The following GSTO1 variants were observed in gnomAD, a reference collection of about 807,000 sequenced individuals.
GSTO1 encodes glutathione S-transferase omega-1.
Under a neutral mutation model 23.8 loss-of-function variants are expected in GSTO1, and 27 were observed. The observed-to-expected ratio is 1.13, with a 90% CI of 0.83 to 1.56. The LOEUF (loss-of-function observed/expected upper bound fraction) is 1.56. Ranked by LOEUF, GSTO1 falls within the 40% of genes most tolerant of loss-of-function variation. The probability of loss-of-function intolerance (pLI) is 0.00; values close to 1 mark genes in which losing one functional copy is unlikely to be tolerated. For missense variants in GSTO1, 255 were observed against 285.8 expected, an observed-to-expected ratio of 0.89 and a Z score of 0.78; for synonymous variants, 105 against 109.3, an observed-to-expected ratio of 0.96 and a Z score of 0.25.
At chr10:104,259,553 A>T in intron 2 of GSTO1, 23 bp from the exon 3 acceptor site, 1 of 1,456,478 alleles carries the variant, frequency 6.9e-7, no homozygotes, top group Non-Finnish European at 9.6e-7. Flanking sequence ...CCTTCTCTTC[A>T]TAGTCTCCTA....
At chr10:104,254,844 G>T, upstream of GSTO1, 1 of 1,320,132 alleles carries the variant, frequency 7.6e-7, no homozygotes, top group Non-Finnish European at 1.1e-6. Context: ...GGAAGCGGGG[G>T]AGGGAAGGAG....
intron 3 of GSTO1, among the ~76,000 whole-genome samples, chr10:104,261,233 A>T (rs1589845420): frequency 6.6e-6 from 1 of 152,228 alleles, no homozygotes; most frequent in East Asian, 1.9e-4. Flanking sequence ...TTTCATGCAT[A>T]AAGCTACTAC....
chr10:104,254,492 C>G, upstream of GSTO1: 1 of 246,314 alleles, frequency 4.1e-6, no homozygotes, highest in Non-Finnish European at 8.1e-6. Flanking sequence ...AGAGAACGCT[C>G]TGGACCGGTG....
rs766183768 is a variant in GSTO1 at position 104,259,786 on chromosome 10, G to A, written c.354G>A (p.Glu118=). 4 of 1,609,682 alleles carry A rather than the reference G, an allele frequency of 2.5e-6. No homozygotes were observed. The highest frequency in any genetic ancestry group is 2.2e-5 in the East Asian group (1 of 44,866). ...AAGCTTGCCAGAAGATGATCTTAGA[G>A]TTGTTTTCTAAGGTTTGTGCATAAG... is the stretch of plus-strand genomic sequence containing the variant. ...YEKACQKMIL[E]LFSKVPSLVG... The change falls in exon 3 of 6, where the codon GAG becomes GAA. Residue 118 remains glutamate, a synonymous_variant. Coordinates refer to ENST00000369713, the MANE Select transcript of GSTO1 (RefSeq NM_004832.3).
intron 3 of GSTO1, among the ~76,000 whole-genome samples, chr10:104,261,254 A>G (rs1369594761): frequency 6.6e-6 from 1 of 152,250 alleles, no homozygotes; most frequent in Non-Finnish European, 1.5e-5. Context: ...TTTAAAAAGT[A>G]GTCACAAGAG....
rs771562518 is a variant in GSTO1 at position 104,263,039 on chromosome 10, AAAG to A, written c.433_435del (p.Glu145del). The A allele has an allele frequency of 6.5e-6, 10 of 1,536,534 alleles. No homozygotes were observed. Among genetic ancestry groups the A allele is most frequent in the South Asian group, 3.4e-5 (3 of 88,972 alleles). On this transcript the variant is annotated inframe_deletion, in exon 4 of 6. Coordinates refer to ENST00000369713, the MANE Select transcript of GSTO1 (RefSeq NM_004832.3). ...AAATAAAGAAGACTATGCTGGCCTA[AAAG>A]AAGAATTTCGTAAAGAATTTACCAA...
intron 4 of GSTO1, among the ~76,000 whole-genome samples, chr10:104,264,271 T>C (rs12264196): frequency 0.074 from 11,209 of 152,212 alleles, 1,380 homozygotes; most frequent in African/African-American, 0.25. Context: ...TTTGGTTTTA[T>C]ATTTCTTCTT....
rs547159296 is a variant in GSTO1 at position 104,262,581 on chromosome 10, G to A, written c.367-398G>A. On this transcript the variant is annotated intron_variant, in intron 3 of 5. Coordinates refer to ENST00000369713, the MANE Select transcript of GSTO1 (RefSeq NM_004832.3). ...ACAAAAATTAGCCTGGCGTGGTGGC[G>A]CACGCCCATAATCTCAGCTACTAAG... 1.4e-4 allele frequency among the ~76,000 whole-genome samples: 22 copies of A among 152,278 alleles called. No individual in the cohort carries two copies. In the South Asian group the frequency reaches 3.1e-3, roughly 22 times the overall value.
rs754425891 is a variant in GSTO1 at position 104,255,153 on chromosome 10, T to C, written c.35-10T>C. ...TCTGGGCCGTAATCGCCTTCGCTTC[T>C]CCCCGGCAGGAAGCGCGCCCCCGGG... On this transcript the variant is annotated splice_polypyrimidine_tract_variant and intron_variant, in intron 1 of 5. Transcript: ENST00000369713. 3 of 1,603,948 alleles carry C rather than the reference T, an allele frequency of 1.9e-6. No homozygotes were observed. The highest frequency in any genetic ancestry group is 2.2e-5 in the South Asian group (2 of 90,784).
At chr10:104,254,816 G>A, upstream of GSTO1, 2 of 1,054,494 alleles carry the variant, frequency 1.9e-6, no homozygotes. Flanking sequence ...CCGGGGGCAG[G>A]CACTTTTGAG....
chr10:104,262,617 C>G (rs1225792516), intron 3 of GSTO1, among the ~76,000 whole-genome samples: 1 of 152,192 alleles, frequency 6.6e-6, no homozygotes, highest in African/African-American at 2.4e-5. Flanking sequence ...GAGGCGGAGA[C>G]AGGAGAATTG....
intron 1 of GSTO1, 39 bp downstream of exon 1, chr10:104,255,001 G>A (rs934343039): frequency 8.3e-6 from 13 of 1,573,630 alleles, no homozygotes; most frequent in Non-Finnish European, 1.1e-5. Context: ...TGATCTCGGC[G>A]ACCCCCGGCG....
chr10:104,266,508 G>A (rs532583799), intron 5 of GSTO1, among the ~76,000 whole-genome samples: 46 of 152,310 alleles, frequency 3.0e-4, no homozygotes, highest in African/African-American at 1.0e-3. Flanking sequence ...AGGCCGAGAC[G>A]GGTGGATCAT....
chr10:104,255,102 TG>T, intron 1 of GSTO1, 60 bp from the exon 2 acceptor site: 1 of 1,453,424 alleles, frequency 6.9e-7, no homozygotes. Flanking sequence ...GCGGGGGCGG[TG>T]GGATACGGGG....
At chr10:104,255,357 T>C in intron 2 of GSTO1, 86 bp downstream of exon 2, 1 of 810,514 alleles carries the variant, frequency 1.2e-6, no homozygotes, top group Non-Finnish European at 2.1e-6. Context: ...AGCCCCCTTC[T>C]ACCCCCCTCC....
intron 2 of GSTO1, 31 bp downstream of exon 2, chr10:104,255,302 G>C: frequency 6.9e-7 from 1 of 1,457,994 alleles, no homozygotes; most frequent in South Asian, 1.1e-5. Context: ...CGCTCCCCGA[G>C]CCGTCCGGGA....
intron 2 of GSTO1, among the ~76,000 whole-genome samples, chr10:104,257,507 A>AT (rs1426474999): frequency 2.6e-5 from 4 of 151,924 alleles, no homozygotes; most frequent in African/African-American, 9.7e-5. Flanking sequence ...CACTTGGCTA[A>AT]TTTTTATATT....
Position 104,259,543 on chromosome 10 carries a change from C to T in GSTO1, c.144-33C>T, listed in dbSNP as rs767238375. ...TTATCCAAAAGCACAAAAGTTGTTT[C>T]CTTCTCTTCATAGTCTCCTATGTGT... On this transcript the variant is annotated intron_variant, in intron 2 of 5. Transcript: ENST00000369713. The T allele has an allele frequency of 1.9e-5, 26 of 1,395,370 alleles. No homozygotes were observed. In the South Asian group the frequency reaches 2.9e-4, roughly 16 times the overall value. 86.4% of individuals were successfully genotyped at this position (1,395,370 alleles called of 1,614,324 possible).
chr10:104,262,875 A>C, intron 3 of GSTO1, 104 bp from the exon 4 acceptor site: 1 of 581,668 alleles, frequency 1.7e-6, no homozygotes, highest in Non-Finnish European at 3.1e-6. Context: ...GTGTTTCTAG[A>C]ACACCTTGAC....
Sources: allele counts gnomAD v4.1 joint callset (sites outside exome capture counted in the v4.1 genomes callset), GRCh38; gene constraint gnomAD v4.1.1; transcripts MANE v1.5; gene names NCBI Gene and HGNC (gene_info 2026-07-23, HGNC 2026-07-21).